VPS13B: variants seen among roughly 807,000 people sequenced by gnomAD.
The protein encoded by VPS13B is vacuolar protein sorting 13 homolog B, also known as intermembrane lipid transfer protein VPS13B.
In VPS13B, 285 loss-of-function variants were observed where a neutral mutation model predicts 426.4. That is an observed-to-expected ratio of 0.67 (90% CI 0.61 to 0.74). The LOEUF (loss-of-function observed/expected upper bound fraction) is 0.74. Ranked by LOEUF, VPS13B falls within the 30% of genes least tolerant of loss-of-function variation. The pLI is 0.00. For synonymous variants in VPS13B, 1,676 were observed against 1,676.4 expected, an observed-to-expected ratio of 1.00 and a Z score of 0.01; for missense variants, 4,537 against 4,782.6, an observed-to-expected ratio of 0.95 and a Z score of 1.51.
chr8:99,773,361 A>G (rs1240243119), intron 40 of VPS13B, among the ~76,000 whole-genome samples: 1 of 152,146 alleles, frequency 6.6e-6, no homozygotes, highest in Non-Finnish European at 1.5e-5. Flanking sequence ...ATATTATCCT[A>G]TATTATAAAA....
chr8:99,184,654 G>T (rs562711171), intron 16 of VPS13B, among the ~76,000 whole-genome samples: 11 of 152,176 alleles, frequency 7.2e-5, no homozygotes, highest in African/African-American at 2.7e-4. Context: ...GATATAATTT[G>T]TATTTTATTT....
At chr8:99,779,088 C>A in intron 42 of VPS13B, 57 bp downstream of exon 42, 1 of 1,453,190 alleles carries the variant, frequency 6.9e-7, no homozygotes, top group Admixed American at 1.7e-5. Context: ...TTATTAGGTT[C>A]TGTATGCTAT....
At chr8:99,378,135 C>G (rs1318432782) in intron 19 of VPS13B, among the ~76,000 whole-genome samples, 5 of 4,698 alleles carry the variant, frequency 1.1e-3, no homozygotes, top group African/African-American at 1.1e-3. Context: ...CATTTTAGAG[C>G]CCCCCCCCCC....
intron 2 of VPS13B, among the ~76,000 whole-genome samples, chr8:99,035,224 T>G (rs1481563749): frequency 6.6e-6 from 1 of 152,120 alleles, no homozygotes; most frequent in African/African-American, 2.4e-5. Flanking sequence ...AAGTGTATAC[T>G]ATATTACTAT....
Position 99,511,447 on chromosome 8 carries a change from A to G in VPS13B, c.4568A>G (p.Tyr1523Cys), listed in dbSNP as rs1563769173. 1 of 1,613,544 alleles carries G rather than the reference A, an allele frequency of 6.2e-7. No individual in the cohort carries two copies. Among genetic ancestry groups the G allele is most frequent in the Non-Finnish European group, 8.5e-7 (1 of 1,179,930 alleles). ...ACATCCCGCAATTTACCTTTGATTT[A>G]TGTCAACACAAGTGTAATCAGAATT... ...TLTSRNLPLI[Y>C]VNTSVIRIFI... The change falls in exon 29 of 62, where the codon TAT becomes TGT. Residue 1523 changes from tyrosine to cysteine, a missense_variant. Coordinates refer to ENST00000357162, the MANE Select transcript of VPS13B (RefSeq NM_152564.5).
intron 17 of VPS13B, among the ~76,000 whole-genome samples, chr8:99,195,422 T>C (rs1303950472): frequency 6.6e-6 from 1 of 152,200 alleles, no homozygotes; most frequent in Non-Finnish European, 1.5e-5. Flanking sequence ...CATTTTAAAA[T>C]TGAGTTATTT....
intron 2 of VPS13B, among the ~76,000 whole-genome samples, chr8:99,017,516 A>T (rs1263788349): frequency 2.7e-5 from 4 of 149,800 alleles, no homozygotes; most frequent in Non-Finnish European, 4.4e-5. Flanking sequence ...ATTTTTTGAG[A>T]CAGAGTCTTG....
chr8:99,684,924 T>A (rs1331609774), intron 35 of VPS13B, among the ~76,000 whole-genome samples: 1 of 152,194 alleles, frequency 6.6e-6, no homozygotes, highest in Non-Finnish European at 1.5e-5. Context: ...TGCCTCAGCC[T>A]CCCAAGTAGC....
At chr8:99,566,436 TTTC>T (rs999816543) in intron 31 of VPS13B, among the ~76,000 whole-genome samples, 2 of 143,476 alleles carry the variant, frequency 1.4e-5, no homozygotes, top group Non-Finnish European at 3.0e-5. Context: ...CCTATGGTGT[TTTC>T]TTCTTCTTTT....
chr8:99,736,580 A>G (rs531021198), intron 39 of VPS13B, among the ~76,000 whole-genome samples: 66 of 152,294 alleles, frequency 4.3e-4, no homozygotes, highest in African/African-American at 1.5e-3. Flanking sequence ...ACTCCAAACA[A>G]ACAAAAACAA....
At chr8:99,762,887 C>G (rs1464841901) in intron 39 of VPS13B, among the ~76,000 whole-genome samples, 1 of 151,818 alleles carries the variant, frequency 6.6e-6, no homozygotes, top group Non-Finnish European at 1.5e-5. Context: ...CCTACAATCC[C>G]AGCACTTTGA....
chr8:99,829,147 G>A (rs1485131432), intron 51 of VPS13B, among the ~76,000 whole-genome samples: 1 of 152,184 alleles, frequency 6.6e-6, no homozygotes, highest in African/African-American at 2.4e-5. Context: ...ATGTCGGCCT[G>A]TCTTGCTGGG....
rs540958081 is a variant in VPS13B at position 99,786,803 on chromosome 8, T to C, written c.7941+2327T>C. On this transcript the variant is annotated intron_variant, in intron 43 of 61. Transcript: ENST00000357162. ...TTCTTACTATATTTCTGTATGCTAA[T>C]GTAAGTGGGTTTTAGGACCCTCTGA... Among the ~76,000 whole-genome samples the C allele has an allele frequency of 3.7e-4, 57 of 152,304 alleles. 1 individual carries two copies. In the East Asian group the frequency reaches 4.4e-3, roughly 12 times the overall value.
intron 52 of VPS13B, among the ~76,000 whole-genome samples, chr8:99,834,100 A>T (rs1815239138): frequency 6.6e-6 from 1 of 152,260 alleles, no homozygotes; most frequent in Admixed American, 6.5e-5. Flanking sequence ...ATCTTTGGGA[A>T]GTACTCACAC....
At chr8:99,486,979 G>C (rs1043845628) in intron 25 of VPS13B, among the ~76,000 whole-genome samples, 1 of 152,062 alleles carries the variant, frequency 6.6e-6, no homozygotes, top group Non-Finnish European at 1.5e-5. Context: ...TGAGTATGCT[G>C]GAGCAGTTGG....
rs758810261 is a variant in VPS13B at position 99,861,840 on chromosome 8, G to C, written c.11109G>C (p.Leu3703=). ...CCCGGAACATGGACCGGCTCTCACTGGATGAGGAGCACTACAACCGGCAGG... is the reference window on the plus strand; with the variant it reads ...CCCGGAACATGGACCGGCTCTCACTCGATGAGGAGCACTACAACCGGCAGG... The part of the protein sequence containing the change: ...SLARNMDRLS[L]DEEHYNRQEE... Residue 3703 remains leucine, a synonymous_variant, in exon 58 of 62, where the codon CTG becomes CTC. Transcript: ENST00000357162. 6.2e-7 allele frequency: 1 copy of C among 1,600,552 alleles called. No homozygotes were observed. The highest frequency in any genetic ancestry group is 1.1e-5 in the South Asian group (1 of 88,222).
At chr8:99,048,487 G>A (rs1037989527) in intron 3 of VPS13B, among the ~76,000 whole-genome samples, 4 of 152,096 alleles carry the variant, frequency 2.6e-5, no homozygotes, top group African/African-American at 9.7e-5. Context: ...TGTCTATCTT[G>A]TTTCTTAGAT....
intron 31 of VPS13B, among the ~76,000 whole-genome samples, chr8:99,563,322 C>A (rs1388033125): frequency 2.0e-5 from 3 of 152,124 alleles, no homozygotes; most frequent in African/African-American, 7.2e-5. Context: ...AACAGACTTG[C>A]TATTTAACTA....
intron 30 of VPS13B, among the ~76,000 whole-genome samples, chr8:99,533,122 A>G (rs1316989991): frequency 6.6e-6 from 1 of 151,904 alleles, no homozygotes; most frequent in East Asian, 1.9e-4. Flanking sequence ...TATTTTTAGT[A>G]GAGATGGGGT....
Sources: gnomAD v4.1 joint callset for allele counts (sites outside exome capture counted in the v4.1 genomes callset) on GRCh38, gnomAD v4.1.1 for gene constraint, MANE v1.5 for transcripts, NCBI Gene and HGNC (gene_info 2026-07-23, HGNC 2026-07-21) for gene names.